SEC24D: variants seen among roughly 807,000 people sequenced by gnomAD.
The protein encoded by SEC24D is protein transport protein Sec24D.
A neutral mutation model predicts 116.9 loss-of-function variants in SEC24D; 69 were observed. That is an observed-to-expected ratio of 0.59 (90% CI 0.49 to 0.72). The LOEUF (loss-of-function observed/expected upper bound fraction) is 0.72, where lower values mean the gene tolerates loss of function less well. Ranked by LOEUF, SEC24D falls within the 30% of genes least tolerant of loss-of-function variation. The pLI is 0.00. For synonymous variants in SEC24D, 405 were observed against 442.8 expected (o/e 0.91, Z 1.07); for missense variants, 1,131 against 1,264.1 (o/e 0.89, Z 1.60).
chr4:118,757,381 C>T (rs925185134), intron 11 of SEC24D, among the ~76,000 whole-genome samples: 3 of 152,202 alleles, frequency 2.0e-5, no homozygotes, highest in African/African-American at 7.2e-5. Context: ...CCATGCTCAG[C>T]AACTACTAGT....
At chr4:118,724,140 T>C (rs1041677948) in intron 22 of SEC24D, among the ~76,000 whole-genome samples, 3 of 152,052 alleles carry the variant, frequency 2.0e-5, no homozygotes, top group African/African-American at 7.3e-5. Context: ...GGCAGCAGTA[T>C]GTACAATACA....
chr4:118,774,536 C>T (rs1728048532), intron 8 of SEC24D, among the ~76,000 whole-genome samples: 1 of 152,168 alleles, frequency 6.6e-6, no homozygotes, highest in African/African-American at 2.4e-5. Flanking sequence ...GACTTATGAA[C>T]AAACTGCAGA....
chr4:118,733,244 GT>G (rs34557737), intron 19 of SEC24D: 47,616 of 162,162 alleles, frequency 0.29, 7,111 homozygotes, highest in Non-Finnish European at 0.37. Context: ...TTTTCTCAGT[GT>G]TTTTTTTTTT....
intron 8 of SEC24D, among the ~76,000 whole-genome samples, chr4:118,779,174 T>C (rs188079627): frequency 2.6e-5 from 4 of 152,344 alleles, no homozygotes; most frequent in Admixed American, 2.0e-4. Flanking sequence ...CATCTCTGTC[T>C]TGTGCCAGCT....
intron 8 of SEC24D, among the ~76,000 whole-genome samples, chr4:118,790,310 A>AT (rs1196393713): frequency 2.0e-5 from 3 of 152,204 alleles, no homozygotes; most frequent in Non-Finnish European, 4.4e-5. Context: ...TATAGGTGAA[A>AT]TTACTTAATT....
intron 2 of SEC24D, among the ~76,000 whole-genome samples, chr4:118,829,929 A>G (rs1412087923): frequency 2.6e-5 from 4 of 152,246 alleles, no homozygotes; most frequent in Admixed American, 1.3e-4. Context: ...GGCCAGATCT[A>G]CAGTGGAATA....
intron 8 of SEC24D, among the ~76,000 whole-genome samples, chr4:118,784,083 C>T (rs183003871): frequency 4.6e-5 from 7 of 152,314 alleles, no homozygotes; most frequent in Admixed American, 2.0e-4. Context: ...CCCTGTGCTC[C>T]GACTGGGCTA....
intron 8 of SEC24D, 59 bp downstream of exon 8, chr4:118,797,624 A>G: frequency 7.5e-7 from 1 of 1,331,666 alleles, no homozygotes; most frequent in Non-Finnish European, 1.0e-6. Context: ...GAAAATTGTG[A>G]GAAAATGGTA....
intron 8 of SEC24D, among the ~76,000 whole-genome samples, chr4:118,771,872 G>A (rs1049154233): frequency 1.6e-4 from 25 of 152,124 alleles, no homozygotes; most frequent in Admixed American, 1.3e-3. Context: ...ACAGTGTAGC[G>A]GGGTAGAAAG....
Position 118,731,523 on chromosome 4 carries a change from CA to C in SEC24D, c.2677-17del, listed in dbSNP as rs1257606989. On this transcript the variant is annotated splice_polypyrimidine_tract_variant and intron_variant, in intron 20 of 22. Coordinates refer to ENST00000280551, the MANE Select transcript of SEC24D (RefSeq NM_014822.4). ...CTAACGTGTGCTGGGCAGGCACAGA[CA>C]AAAGAGTTAGAAACTCCTTTCTTCC... The C allele has an allele frequency of 6.2e-7, 1 of 1,611,314 alleles. No individual in the cohort carries two copies.
chr4:118,790,926 T>C (rs1174042609), intron 8 of SEC24D, among the ~76,000 whole-genome samples: 1 of 149,932 alleles, frequency 6.7e-6, no homozygotes, highest in Non-Finnish European at 1.5e-5. Context: ...TTACTAACAC[T>C]GAAATAAATC....
chr4:118,752,056 G>A lies in SEC24D; in HGVS notation c.1647C>T (p.Asp549=), dbSNP rs925818753. 64 of 1,612,906 alleles carry A rather than the reference G, an allele frequency of 4.0e-5. No homozygotes were observed. Among genetic ancestry groups the A allele is most frequent in the Non-Finnish European group, 4.6e-5 (54 of 1,179,308 alleles). ...CAAAGACAGTCTCATTTTCATTAGA[G>A]TCTGCAAACATGTCTGGAATCTGGT... is the stretch of plus-strand genomic sequence containing the variant. ...LLDQIPDMFA[D]SNENETVFAP... is the part of the protein sequence containing the mutation. The change falls in exon 13 of 23, where the codon GAC becomes GAT. Residue 549 remains aspartate (D), a synonymous_variant. Coordinates refer to ENST00000280551, the MANE Select transcript of SEC24D (RefSeq NM_014822.4).
At position 118,731,348 on chromosome 4, in the gene SEC24D, C is replaced by T. The variant is rs1725674675; in HGVS notation, c.2836G>A (p.Val946Met). The change falls in exon 21 of 23, where the codon GTG (valine) becomes ATG (methionine). Residue 946 changes from valine (V) to methionine (M), a missense_variant. Coordinates refer to ENST00000280551, the MANE Select transcript of SEC24D (RefSeq NM_014822.4). ...GTGTTGATATGTGCAAAAGATGGCACATTAAATATTCCTTGGATCAGTTCT... is the reference window on the plus strand; with the variant it reads ...GTGTTGATATGTGCAAAAGATGGCATATTAAATATTCCTTGGATCAGTTCT... ...PPELIQGIFN[V>M]PSFAHINTDM... 4 of 1,613,882 alleles carry T rather than the reference C, an allele frequency of 2.5e-6. No homozygotes were observed. The East Asian group carries it at 6.7e-5, about 27-fold the overall frequency.
At chr4:118,752,625 G>T in intron 12 of SEC24D, 72 bp downstream of exon 12, 1 of 1,023,754 alleles carries the variant, frequency 9.8e-7, no homozygotes. Context: ...ATGTATGATT[G>T]AATCAAAACA....
At position 118,747,992 on chromosome 4, in the gene SEC24D, G is replaced by A. The variant is rs563594910; in HGVS notation, c.1708-2932C>T. On this transcript the variant is annotated intron_variant, in intron 13 of 22. Coordinates refer to ENST00000280551, the MANE Select transcript of SEC24D (RefSeq NM_014822.4). ...TAATATTACCTATAGTAGGCCGGGC[G>A]TGGTGGCTCAGGCCTGTAATCCCAG... Among the ~76,000 whole-genome samples the A allele has an allele frequency of 7.9e-5, 12 of 152,244 alleles. No individual in the cohort carries two copies. The East Asian group carries it at 1.9e-3, about 24-fold the overall frequency.
chr4:118,831,817 T>C (rs1299727727), intron 2 of SEC24D, among the ~76,000 whole-genome samples: 1 of 151,328 alleles, frequency 6.6e-6, no homozygotes, highest in East Asian at 1.9e-4. Flanking sequence ...ATCTACAGAG[T>C]GGGATAACAG....
chr4:118,764,806 C>A lies in SEC24D; in HGVS notation c.1292G>T (p.Cys431Phe). 1.3e-6 allele frequency: 2 copies of A among 1,547,262 alleles called. No homozygotes were observed. Among genetic ancestry groups the A allele is most frequent in the South Asian group, 2.2e-5 (2 of 89,222 alleles). Residue 431 changes from cysteine to phenylalanine, a missense_variant, in exon 10 of 23, where the codon TGC becomes TTC. Physicochemically the swap from Cys to Phe is radical, Grantham distance 205 (BLOSUM62 -2). Transcript: ENST00000280551. ...SYEYVATLDY[C>F]RKSKPPNPPA... ...TGAAGTTCTGGGAACACTTACTCTG[C>A]AATAATCCAAAGTGGCAACATATTC...
At chr4:118,729,903 A>AT (rs1399887715) in intron 21 of SEC24D, 2 of 152,348 alleles carry the variant, frequency 1.3e-5, no homozygotes, top group Admixed American at 1.3e-4. Context: ...ATTATGTGGC[A>AT]TATTATGGTA....
chr4:118,797,776 T>C lies in SEC24D; in HGVS notation c.948A>G (p.Thr316=). 1 of 1,610,802 alleles carries C rather than the reference T, an allele frequency of 6.2e-7. No individual in the cohort carries two copies. Among genetic ancestry groups the C allele is most frequent in the South Asian group, 1.1e-5 (1 of 90,656 alleles). Residue 316 remains threonine, a synonymous_variant, in exon 8 of 23, where the codon ACA becomes ACG. Coordinates refer to ENST00000280551, the MANE Select transcript of SEC24D (RefSeq NM_014822.4). ...NASPRFIRCT[T]YCFPCTSDMA... ...TATCTGACGTGCATGGAAAACAGTA[T>C]GTTGTACAACGGATGAATCGAGGAC...
Sources: gnomAD v4.1 joint callset for allele counts (sites outside exome capture counted in the v4.1 genomes callset) on GRCh38, gnomAD v4.1.1 for gene constraint, MANE v1.5 for transcripts, NCBI Gene and HGNC (gene_info 2026-07-23, HGNC 2026-07-21) for gene names.